The following CIRSR variants were observed in gnomAD, a reference collection of about 807,000 sequenced individuals.
CIRSR encodes corepressor of RBPJ and splicing regulator.
At chr2:174,378,780 T>C in the CIRSR span, 1 of 697,400 alleles carries the variant, frequency 1.4e-6, no homozygotes, top group Non-Finnish European at 2.6e-6. Flanking sequence ...TAATCATATT[T>C]TGGGAATGGT....
At chr2:174,386,786 T>C in the CIRSR span, among the ~76,000 whole-genome samples, 1,079 of 152,340 alleles carry the variant, frequency 7.1e-3, 8 homozygotes, top group Non-Finnish European at 0.011. Flanking sequence ...AGTCTTCTGT[T>C]AACCTAAATG....
At chr2:174,351,688 C>A in the CIRSR span, 1 of 1,613,770 alleles carries the variant, frequency 6.2e-7, no homozygotes, top group South Asian at 1.1e-5. Flanking sequence ...CACTGTTTCT[C>A]ATCTCCGCTA....
the CIRSR span, chr2:174,348,315 T>C: frequency 2.2e-6 from 2 of 902,656 alleles, no homozygotes; most frequent in Admixed American, 3.6e-5. Flanking sequence ...TTCATTCTTA[T>C]AGTACTCATG....
At chr2:174,376,769 G>A in the CIRSR span, among the ~76,000 whole-genome samples, 2 of 128,522 alleles carry the variant, frequency 1.6e-5, no homozygotes, top group Admixed American at 1.8e-4. Context: ...CCACACTCCA[G>A]CCTGGGTGGC....
chr2:174,353,541 C>A, the CIRSR span, among the ~76,000 whole-genome samples: 146 of 152,130 alleles, frequency 9.6e-4, no homozygotes, highest in African/African-American at 3.4e-3. Context: ...GATCTCGGCT[C>A]ACTGCAACCT....
At chr2:174,369,715 G>A in the CIRSR span, among the ~76,000 whole-genome samples, 1 of 152,170 alleles carries the variant, frequency 6.6e-6, no homozygotes, top group Non-Finnish European at 1.5e-5. Context: ...CCTGAAGAAA[G>A]GGAGAGAGAT....
chr2:174,369,995 T>A, the CIRSR span: 8 of 1,365,288 alleles, frequency 5.9e-6, no homozygotes, highest in South Asian at 9.1e-5. Context: ...ACCAGAAACC[T>A]TCAATTTGTA....
chr2:174,359,110 C>T, the CIRSR span, among the ~76,000 whole-genome samples: 1 of 151,476 alleles, frequency 6.6e-6, no homozygotes. Context: ...AAAAGAGTAC[C>T]TACTGTATGA....
chr2:174,359,282 T>G, the CIRSR span, among the ~76,000 whole-genome samples: 3 of 150,616 alleles, frequency 2.0e-5, no homozygotes, highest in African/African-American at 7.3e-5. Context: ...GTTACCTGGG[T>G]GTATACATTT....
At chr2:174,390,707 C>T in the CIRSR span, among the ~76,000 whole-genome samples, 4 of 152,150 alleles carry the variant, frequency 2.6e-5, no homozygotes, top group African/African-American at 9.6e-5. Context: ...GGGAGGAACC[C>T]GATGGGAGGT....
the CIRSR span, among the ~76,000 whole-genome samples, chr2:174,383,421 T>C: frequency 6.6e-6 from 1 of 152,040 alleles, no homozygotes. Flanking sequence ...ATTCACATCA[T>C]TAAAAATATC....
At chr2:174,354,770 A>T in the CIRSR span, among the ~76,000 whole-genome samples, 29,341 of 104,156 alleles carry the variant, frequency 0.28, 4,217 homozygotes, top group Middle Eastern at 0.44. Context: ...ATATATATAT[A>T]TTTTTTTTTT....
the CIRSR span, among the ~76,000 whole-genome samples, chr2:174,353,219 A>G: frequency 6.6e-6 from 1 of 152,196 alleles, no homozygotes; most frequent in Non-Finnish European, 1.5e-5. Flanking sequence ...GTTTTAGGAA[A>G]AAAAGCCTTA....
the CIRSR span, among the ~76,000 whole-genome samples, chr2:174,394,426 C>A: frequency 6.6e-6 from 1 of 152,126 alleles, no homozygotes; most frequent in Non-Finnish European, 1.5e-5. Context: ...ACCACACAAA[C>A]ACAAACTGGT....
At chr2:174,376,770 C>T in the CIRSR span, among the ~76,000 whole-genome samples, 1 of 143,196 alleles carries the variant, frequency 7.0e-6, no homozygotes, top group African/African-American at 2.6e-5. Context: ...CACACTCCAG[C>T]CTGGGTGGCA....
chr2:174,356,530 GA>G, the CIRSR span, among the ~76,000 whole-genome samples: 53 of 121,526 alleles, frequency 4.4e-4, no homozygotes, highest in East Asian at 4.0e-3. Flanking sequence ...AAAGAAAGAA[GA>G]AAGGAAGGAA....
At chr2:174,369,267 C>T in the CIRSR span, among the ~76,000 whole-genome samples, 1 of 152,238 alleles carries the variant, frequency 6.6e-6, no homozygotes, top group Non-Finnish European at 1.5e-5. Flanking sequence ...GAATCAATCT[C>T]TGCTAGCTTC....
the CIRSR span, among the ~76,000 whole-genome samples, chr2:174,374,398 T>C: frequency 3.3e-5 from 5 of 152,228 alleles, no homozygotes; most frequent in South Asian, 4.1e-4. Context: ...GATTACTCTA[T>C]GTTATTTTGA....
At chr2:174,357,338 C>T in the CIRSR span, among the ~76,000 whole-genome samples, 1 of 152,018 alleles carries the variant, frequency 6.6e-6, no homozygotes, top group Non-Finnish European at 1.5e-5. Context: ...GAATATATGG[C>T]AAGTTTTGTA....
Sources: gnomAD v4.1 joint callset for allele counts (sites outside exome capture counted in the v4.1 genomes callset) on GRCh38, gnomAD v4.1.1 for gene constraint, MANE v1.5 for transcripts, NCBI Gene and HGNC (gene_info 2026-07-23, HGNC 2026-07-21) for gene names.